The following RALY variants were observed in gnomAD, a reference collection of about 807,000 sequenced individuals.
The protein encoded by RALY is RALY heterogeneous nuclear ribonucleoprotein, also known as RNA-binding protein Raly.
A neutral mutation model predicts 30.7 loss-of-function variants in RALY; 15 were observed. The ratio of observed to expected loss-of-function variants is 0.49; its 90% CI spans 0.33 to 0.75. RALY has a LOEUF of 0.75. RALY is among the 30% of genes least tolerant of loss of function. RALY has a pLI of 0.02. For missense variants in RALY, 339 were observed against 414.3 expected, an observed-to-expected ratio of 0.82 and a Z score of 1.58; for synonymous variants, 177 against 170.8, an observed-to-expected ratio of 1.04 and a Z score of -0.28.
At chr20:34,042,789 T>G (rs1187587812) in intron 2 of RALY, among the ~76,000 whole-genome samples, 1 of 152,266 alleles carries the variant, frequency 6.6e-6, no homozygotes, top group African/African-American at 2.4e-5. Context: ...CTTAGTTTTT[T>G]ACACATTAAC....
intron 2 of RALY, among the ~76,000 whole-genome samples, chr20:34,039,196 G>A (rs2032607798): frequency 6.6e-6 from 1 of 152,216 alleles, no homozygotes; most frequent in Non-Finnish European, 1.5e-5. Flanking sequence ...ACAAAAAGCC[G>A]CTATCTATAG....
intron 1 of RALY, among the ~76,000 whole-genome samples, chr20:34,012,243 C>A (rs975255377): frequency 2.0e-5 from 3 of 152,064 alleles, no homozygotes; most frequent in Non-Finnish European, 4.4e-5. Flanking sequence ...TGGTGCAGCC[C>A]TATCATCATG....
chr20:34,032,001 T>C (rs1397963842), intron 2 of RALY, among the ~76,000 whole-genome samples: 2 of 152,196 alleles, frequency 1.3e-5, no homozygotes, highest in Admixed American at 6.5e-5. Flanking sequence ...TCGCTCTTGT[T>C]GCCCAGACTG....
At chr20:34,067,767 A>T (rs1601500338) in intron 2 of RALY, among the ~76,000 whole-genome samples, 1 of 149,686 alleles carries the variant, frequency 6.7e-6, no homozygotes, top group African/African-American at 2.5e-5. Context: ...GAAGGCACTT[A>T]TTGGGGAGCC....
At chr20:33,999,183 T>TATAA in intron 1 of RALY, among the ~76,000 whole-genome samples, 1 of 150,284 alleles carries the variant, frequency 6.7e-6, no homozygotes, top group South Asian at 2.1e-4. Flanking sequence ...ACAAAGATTA[T>TATAA]TGGTGTGGAG....
In RALY at chr20:34,075,888, G is replaced by C; in HGVS notation, c.392G>C (p.Arg131Pro). Residue 131 changes from arginine to proline, a missense_variant, in exon 6 of 10, where the codon CGG becomes CCG. This residue lies in a region of RALY where 268 missense variants were observed against 280.6 expected (regional missense o/e 0.95). Coordinates refer to ENST00000246194, the MANE Select transcript of RALY (RefSeq NM_016732.3). The stretch of plus-strand genomic sequence containing the variant: ...TGCCCTCACAGGCTCTTCGACTACC[G>C]GGGCCGTCTGTCGCCCGTGCCAGTG... ...DDFYDRLFDY[R>P]GRLSPVPVPR... The C allele has an allele frequency of 6.2e-7, 1 of 1,613,160 alleles. No individual in the cohort carries two copies. Among genetic ancestry groups the C allele is most frequent in the South Asian group, 1.1e-5 (1 of 90,972 alleles).
chr20:34,081,604 C>T lies in RALY; in HGVS notation c.*1699C>T, dbSNP rs916600611. 4 of 152,284 alleles carry T rather than the reference C, an allele frequency of 2.6e-5. No homozygotes were observed. The highest frequency in any genetic ancestry group is 5.9e-5 in the Non-Finnish European group (4 of 68,078). The allele number at this position is 152,284 out of a possible 1,614,324, so 9.4% of individuals were successfully genotyped here. A position where few individuals can be genotyped will look rare whatever the true frequency, so the allele number is the denominator to read the frequency against. On this transcript the variant is annotated 3_prime_UTR_variant, in exon 10 of 10. Transcript: ENST00000246194. ...GGTCTACAGCCTCCAGGGAAGCTTC[C>T]TCCTGGGCTTTGGCTCCATGTTTTG...
Position 34,076,827 on chromosome 20 carries a change from A to AG in RALY, c.658+14dup. 6.2e-7 allele frequency: 1 copy of AG among 1,612,822 alleles called. No homozygotes were observed. Among genetic ancestry groups the AG allele is most frequent in the South Asian group, 1.1e-5 (1 of 90,854 alleles). On this transcript the variant is annotated intron_variant, in intron 7 of 9. Transcript: ENST00000246194. ...AAAGGCCAATCCAGGTCAGCCTCTG[A>AG]GGATTCTCACCCACCTCCATGACCA...
At chr20:34,033,494 G>A (rs1475799220) in intron 2 of RALY, among the ~76,000 whole-genome samples, 1 of 152,202 alleles carries the variant, frequency 6.6e-6, no homozygotes, top group Non-Finnish European at 1.5e-5. Flanking sequence ...TGCTTCTACT[G>A]TGGTGGAAAG....
intron 2 of RALY, among the ~76,000 whole-genome samples, chr20:34,042,233 T>A (rs973854963): frequency 6.6e-6 from 1 of 152,074 alleles, no homozygotes; most frequent in African/African-American, 2.4e-5. Context: ...CGATCCCCGC[T>A]CCCGCCGAGG....
chr20:34,048,625 G>T (rs6142083), intron 2 of RALY, among the ~76,000 whole-genome samples: 1 of 152,142 alleles, frequency 6.6e-6, no homozygotes, highest in African/African-American at 2.4e-5. Flanking sequence ...GGGAGGCTGA[G>T]GCAGGTGGAT....
At chr20:34,035,171 A>AC (rs1179191205) in intron 2 of RALY, among the ~76,000 whole-genome samples, 10 of 133,206 alleles carry the variant, frequency 7.5e-5, no homozygotes, top group Admixed American at 1.4e-4. Context: ...AAAAAAAAAA[A>AC]AAAAAAAAAA....
In RALY at chr20:34,082,104, G is replaced by A. The variant is rs565871207; in HGVS notation, c.*2199G>A. ...AGAGGGTGTACAGAGGAAGGGGCTA[G>A]GTCTGCAAGGAGTGCCTCATCTCCC... On this transcript the variant is annotated 3_prime_UTR_variant, in exon 10 of 10. Transcript: ENST00000246194. The A allele has an allele frequency of 6.6e-6, 1 of 152,470 alleles. No homozygotes were observed. The highest frequency in any genetic ancestry group is 2.4e-5 in the African/African-American group (1 of 41,590). The allele number at this position is 152,470 out of a possible 1,614,324, so 9.4% of individuals were successfully genotyped here.
At chr20:34,044,491 C>T (rs746980599) in intron 2 of RALY, among the ~76,000 whole-genome samples, 3 of 151,446 alleles carry the variant, frequency 2.0e-5, no homozygotes, top group Non-Finnish European at 4.4e-5. Flanking sequence ...CGGCTAATTT[C>T]GTATTTTTGG....
intron 2 of RALY, among the ~76,000 whole-genome samples, chr20:34,055,909 C>CT (rs1445124176): frequency 6.6e-6 from 1 of 152,146 alleles, no homozygotes; most frequent in Non-Finnish European, 1.5e-5. Flanking sequence ...CCAAAAATCT[C>CT]TATGTTGCTT....
chr20:33,997,724 C>T (rs916457373), intron 1 of RALY, among the ~76,000 whole-genome samples: 3 of 152,144 alleles, frequency 2.0e-5, no homozygotes, highest in Non-Finnish European at 2.9e-5. Context: ...TATAGCCTTT[C>T]AAAATGCCCT....
chr20:34,040,024 T>G (rs1285279718), intron 2 of RALY, among the ~76,000 whole-genome samples: 1 of 151,694 alleles, frequency 6.6e-6, no homozygotes, highest in African/African-American at 2.4e-5. Context: ...GGCAGGAGAA[T>G]CGCTTGAACC....
chr20:34,010,683 A>T (rs1216799460), intron 1 of RALY, among the ~76,000 whole-genome samples: 1 of 152,198 alleles, frequency 6.6e-6, no homozygotes, highest in Non-Finnish European at 1.5e-5. Flanking sequence ...AGAGGAAGCT[A>T]GTAAGTGTTA....
chr20:34,014,858 A>G (rs1158195344), intron 1 of RALY: 1 of 152,230 alleles, frequency 6.6e-6, no homozygotes, highest in Admixed American at 6.5e-5. Flanking sequence ...TCTGGAAAGT[A>G]TCTTGAGATA....
Sources: allele counts gnomAD v4.1 joint callset (sites outside exome capture counted in the v4.1 genomes callset), GRCh38; gene constraint gnomAD v4.1.1; regional missense constraint gnomAD v4.1.1; transcripts MANE v1.5; gene names NCBI Gene and HGNC (gene_info 2026-07-23, HGNC 2026-07-21).